PEAK1: variants seen among roughly 807,000 people sequenced by gnomAD.
PEAK1 encodes pseudopodium enriched atypical kinase 1.
In PEAK1, 54 loss-of-function variants were observed where a neutral mutation model predicts 124.7. The ratio of observed to expected loss-of-function variants is 0.43; its 90% CI spans 0.35 to 0.54. PEAK1 has a LOEUF of 0.54. PEAK1 is among the 20% of genes least tolerant of loss of function. The pLI is 0.01. For synonymous variants in PEAK1, 719 were observed against 760.0 expected (o/e 0.95, Z 0.89); for missense variants, 2,046 against 2,134.5 (o/e 0.96, Z 0.82).
intron 2 of PEAK1, among the ~76,000 whole-genome samples, chr15:77,361,719 A>G (rs75916728): frequency 0.015 from 2,263 of 152,324 alleles, 56 homozygotes; most frequent in African/African-American, 0.051. Flanking sequence ...CAATTTCACT[A>G]CAGTGAATCT....
At chr15:77,417,527 T>C in intron 1 of PEAK1, 2 of 985,006 alleles carry the variant, frequency 2.0e-6, no homozygotes, top group South Asian at 9.4e-5. Flanking sequence ...ATAACGCTCA[T>C]CACACACATC....
At chr15:77,365,030 G>A (rs1395551311) in intron 2 of PEAK1, 133 bp downstream of exon 2, 1 of 163,998 alleles carries the variant, frequency 6.1e-6, no homozygotes, top group Admixed American at 6.5e-5. Context: ...TACTCTATAT[G>A]TAGTTTTATA....
chr15:77,287,622 C>G (rs759043522), intron 2 of PEAK1, among the ~76,000 whole-genome samples: 32 of 152,218 alleles, frequency 2.1e-4, no homozygotes, highest in Non-Finnish European at 4.0e-4. Context: ...ACACTCTACT[C>G]ACATTTTCTG....
chr15:77,386,475 G>C (rs1398747634), intron 1 of PEAK1, among the ~76,000 whole-genome samples: 1 of 151,978 alleles, frequency 6.6e-6, no homozygotes, highest in Non-Finnish European at 1.5e-5. Context: ...TATCTGTTTA[G>C]GTCACTTAAT....
intron 6 of PEAK1, among the ~76,000 whole-genome samples, chr15:77,225,666 T>TTAGA (rs2059603802): frequency 1.1e-5 from 1 of 87,994 alleles, no homozygotes; most frequent in Non-Finnish European, 2.3e-5. Context: ...TGTGTATAAT[T>TTAGA]TATATATATA....
intron 2 of PEAK1, among the ~76,000 whole-genome samples, chr15:77,341,915 T>C (rs1476934464): frequency 1.1e-4 from 17 of 152,136 alleles, no homozygotes; most frequent in African/African-American, 3.9e-4. Flanking sequence ...TTTGTAAAAA[T>C]CTAAAACTGA....
chr15:77,195,390 G>C (rs1366249103), intron 6 of PEAK1, among the ~76,000 whole-genome samples: 4 of 151,760 alleles, frequency 2.6e-5, no homozygotes, highest in African/African-American at 9.7e-5. Context: ...GAGGAAGTGG[G>C]GAACAATAAC....
rs564167404 is a variant in PEAK1, at chr15:77,153,399, C to T, written c.3331+5104G>A. On this transcript the variant is annotated intron_variant, in intron 8 of 9. Coordinates refer to ENST00000682557, the MANE Select transcript of PEAK1 (RefSeq NM_001385026.1). ...CTCTCTTCTTTATTAGTCTTGCTAG[C>T]GGTCTATCAATTTTGTTGATCTTTT... Among the ~76,000 whole-genome samples the T allele has an allele frequency of 2.8e-4, 43 of 152,128 alleles. 1 individual carries two copies. Among genetic ancestry groups the T allele is most frequent in the African/African-American group, 7.7e-4 (32 of 41,498 alleles).
At chr15:77,380,248 T>C (rs1008739567) in intron 1 of PEAK1, among the ~76,000 whole-genome samples, 1 of 152,178 alleles carries the variant, frequency 6.6e-6, no homozygotes, top group Non-Finnish European at 1.5e-5. Flanking sequence ...ACGCTGGTTA[T>C]GTAATAATAC....
In PEAK1 at chr15:77,150,295, C is replaced by T. The variant is rs73459079; in HGVS notation, c.3331+8208G>A. 4.2e-3 allele frequency among the ~76,000 whole-genome samples: 633 copies of T among 152,134 alleles called. 4 individuals are homozygous for T. Among genetic ancestry groups the T allele is most frequent in the African/African-American group, 0.015 (614 of 41,490 alleles). ...CTAGTGGCTAAGATCGACTCGATTCCAGCTGGTTAAACTCCTACTGGTTCT... is the reference window on the plus strand; with the variant it reads ...CTAGTGGCTAAGATCGACTCGATTCTAGCTGGTTAAACTCCTACTGGTTCT... On this transcript the variant is annotated intron_variant, in intron 8 of 9. Transcript: ENST00000682557.
At chr15:77,150,081 G>A (rs1480546003) in intron 8 of PEAK1, among the ~76,000 whole-genome samples, 1 of 152,090 alleles carries the variant, frequency 6.6e-6, no homozygotes, top group African/African-American at 2.4e-5. Flanking sequence ...AAGGCAACAG[G>A]TAGAGAGAAA....
intron 1 of PEAK1, chr15:77,371,526 C>T: frequency 2.8e-5 from 23 of 812,360 alleles, no homozygotes; most frequent in Non-Finnish European, 3.4e-5. Context: ...CCACCACCAC[C>T]ACCACCACCA....
chr15:77,235,606 A>G (rs889999991), intron 6 of PEAK1, among the ~76,000 whole-genome samples: 5 of 152,242 alleles, frequency 3.3e-5, no homozygotes, highest in African/African-American at 1.2e-4. Flanking sequence ...AATAGGAAAG[A>G]CAAACCCATT....
intron 5 of PEAK1, among the ~76,000 whole-genome samples, chr15:77,261,971 A>C (rs2061464683): frequency 6.6e-6 from 1 of 152,160 alleles, no homozygotes; most frequent in African/African-American, 2.4e-5. Context: ...TCTTAAAGAA[A>C]AGAATTTTCA....
rs768162942 is a variant in PEAK1 at position 77,304,574 on chromosome 15, A to C, written c.-602-18070T>G. 4.2e-4 allele frequency among the ~76,000 whole-genome samples: 63 copies of C among 150,242 alleles called. 2 individuals are homozygous for C. The highest frequency in any genetic ancestry group is 3.5e-3 in the Middle Eastern group (1 of 286). On this transcript the variant is annotated intron_variant, in intron 2 of 9. Transcript: ENST00000682557. ...CACCATCTCCTGCCTCAGCCTCCCG[A>C]GTAGCTGGGACTACAGGTGCCCGCC...
rs1041770624 is a variant in PEAK1, at chr15:77,256,593, G to A, written c.-274-4067C>T. On this transcript the variant is annotated intron_variant, in intron 5 of 9. Transcript: ENST00000682557. ...ATAGTTTTTACATTTTTAAAGAGTT[G>A]AAAAAAATCAAAAGGAGAATATTTT... Among the ~76,000 whole-genome samples the A allele has an allele frequency of 6.6e-5, 10 of 151,526 alleles. No individual in the cohort carries two copies. In the South Asian group the frequency reaches 1.0e-3, roughly 16 times the overall value.
chr15:77,172,018 G>A (rs1306335532), intron 7 of PEAK1, among the ~76,000 whole-genome samples: 4 of 152,012 alleles, frequency 2.6e-5, no homozygotes, highest in Non-Finnish European at 4.4e-5. Context: ...ATTCATAAGC[G>A]GAAAAAGGAG....
intron 9 of PEAK1, among the ~76,000 whole-genome samples, chr15:77,126,469 C>T (rs777966048): frequency 5.9e-5 from 9 of 151,984 alleles, no homozygotes; most frequent in African/African-American, 1.2e-4. Context: ...GAAAGAATAC[C>T]TAAGTGCAGA....
chr15:77,206,573 G>A (rs1191073216), intron 6 of PEAK1, among the ~76,000 whole-genome samples: 1 of 151,890 alleles, frequency 6.6e-6, no homozygotes, highest in African/African-American at 2.4e-5. Flanking sequence ...TTCTCTGATA[G>A]CCAGTGATGA....
Sources: allele counts gnomAD v4.1 joint callset (sites outside exome capture counted in the v4.1 genomes callset), GRCh38; gene constraint gnomAD v4.1.1; transcripts MANE v1.5; gene names NCBI Gene and HGNC (gene_info 2026-07-23, HGNC 2026-07-21).